Variants in SLC29A3 observed in about 807,000 individuals in gnomAD.
SLC29A3 encodes solute carrier family 29 member 3.
A neutral mutation model predicts 25.4 loss-of-function variants in SLC29A3; 18 were observed. The observed-to-expected ratio is 0.71, with a 90% CI of 0.49 to 1.05. The LOEUF (loss-of-function observed/expected upper bound fraction) is 1.05. Among genes scored for constraint, SLC29A3 ranks in the 50% least tolerant of loss-of-function variants. SLC29A3 has a pLI of 0.00. For synonymous variants in SLC29A3, 258 were observed against 267.1 expected (o/e 0.97, Z 0.33); for missense variants, 586 against 609.0 (o/e 0.96, Z 0.40).
chr10:71,336,976 A>T (rs77827700), intron 2 of SLC29A3, among the ~76,000 whole-genome samples: 1 of 152,178 alleles, frequency 6.6e-6, no homozygotes, highest in Admixed American at 6.5e-5. Context: ...CAAGGGTCAG[A>T]TGGGGACCCT....
At chr10:71,328,156 G>T (rs1846016270) in intron 2 of SLC29A3, among the ~76,000 whole-genome samples, 2 of 152,210 alleles carry the variant, frequency 1.3e-5, no homozygotes, top group Non-Finnish European at 2.9e-5. Context: ...GATGCGGCCA[G>T]GTCATGAGTG....
chr10:71,346,704 A>G (rs1053737764), intron 3 of SLC29A3, among the ~76,000 whole-genome samples: 2 of 152,134 alleles, frequency 1.3e-5, no homozygotes, highest in African/African-American at 2.4e-5. Flanking sequence ...GGGAGGAGTC[A>G]GGATTTGAAC....
intron 3 of SLC29A3, among the ~76,000 whole-genome samples, chr10:71,346,369 C>T (rs1489615829): frequency 6.6e-6 from 1 of 152,092 alleles, no homozygotes; most frequent in Non-Finnish European, 1.5e-5. Flanking sequence ...AAAACAGGCT[C>T]ATGGAGGTGA....
In SLC29A3 at chr10:71,362,648, A is replaced by T. The variant is rs1847098985; in HGVS notation, c.*40A>T. The stretch of plus-strand genomic sequence containing the variant: ...GGACATTGGTGCTTCAGAGCCTTTG[A>T]AGATGAGAAGAGAGTGCAGGAGGGC... On this transcript the variant is annotated 3_prime_UTR_variant, in exon 6 of 6. Transcript: ENST00000373189. The T allele has an allele frequency of 1.2e-6, 2 of 1,613,380 alleles. No homozygotes were observed. The highest frequency in any genetic ancestry group is 2.2e-5 in the East Asian group (1 of 44,874).
intron 2 of SLC29A3, among the ~76,000 whole-genome samples, chr10:71,335,809 A>G (rs1161679065): frequency 6.6e-6 from 1 of 152,008 alleles, no homozygotes. Flanking sequence ...AGACGGATGT[A>G]TGGGTAGAGG....
intron 2 of SLC29A3, among the ~76,000 whole-genome samples, chr10:71,340,663 C>T (rs1270719100): frequency 6.6e-6 from 1 of 152,224 alleles, no homozygotes; most frequent in Non-Finnish European, 1.5e-5. Context: ...TGTTACCATC[C>T]TAGTCACAGT....
chr10:71,374,962 A>G (rs1847239675), intron 3 of SLC29A3, among the ~76,000 whole-genome samples: 1 of 152,218 alleles, frequency 6.6e-6, no homozygotes, highest in Non-Finnish European at 1.5e-5. Context: ...ATGCAGCAGT[A>G]GTAGAACAGC....
intron 2 of SLC29A3, among the ~76,000 whole-genome samples, chr10:71,324,592 G>T (rs1053879504): frequency 7.9e-5 from 12 of 152,196 alleles, no homozygotes; most frequent in Admixed American, 5.9e-4. Context: ...TCATTTATAT[G>T]TGAAGTTTTT....
intron 2 of SLC29A3, among the ~76,000 whole-genome samples, chr10:71,324,607 C>T (rs530313337): frequency 6.6e-6 from 1 of 152,162 alleles, no homozygotes; most frequent in Non-Finnish European, 1.5e-5. Flanking sequence ...GTTTTTCAAA[C>T]AAATGCTGAT....
chr10:71,371,932 A>G (rs970198728), intron 3 of SLC29A3, among the ~76,000 whole-genome samples: 1 of 152,250 alleles, frequency 6.6e-6, no homozygotes, highest in African/African-American at 2.4e-5. Flanking sequence ...TCTGCCTGCA[A>G]GTGCAGCAGG....
At chr10:71,348,020 G>A (rs949464255) in intron 3 of SLC29A3, among the ~76,000 whole-genome samples, 3 of 152,224 alleles carry the variant, frequency 2.0e-5, no homozygotes, top group Non-Finnish European at 4.4e-5. Flanking sequence ...GAGGCTGGCG[G>A]ATGCTTCCAG....
chr10:71,323,536 T>A (rs1237954968), intron 2 of SLC29A3, among the ~76,000 whole-genome samples: 1 of 152,266 alleles, frequency 6.6e-6, no homozygotes, highest in African/African-American at 2.4e-5. Context: ...GCCTGTTGCC[T>A]GTACGAACAC....
intron 2 of SLC29A3, among the ~76,000 whole-genome samples, chr10:71,323,500 A>G (rs1460218369): frequency 6.6e-6 from 1 of 152,266 alleles, no homozygotes; most frequent in East Asian, 1.9e-4. Context: ...CATCAGTAGG[A>G]AAAAGCAAGA....
chr10:71,379,194 A>C (rs1444107241), intron 4 of SLC29A3, among the ~76,000 whole-genome samples: 3 of 152,242 alleles, frequency 2.0e-5, no homozygotes, highest in African/African-American at 7.2e-5. Flanking sequence ...GTGAGGGCAG[A>C]GGGCCAGCCC....
At chr10:71,319,796 C>T (rs1845808810) in intron 1 of SLC29A3, 1 of 155,692 alleles carries the variant, frequency 6.4e-6, no homozygotes, top group African/African-American at 2.4e-5. Context: ...AGGGGCGAGC[C>T]ACCTAGCCAG....
intron 1 of SLC29A3, among the ~76,000 whole-genome samples, chr10:71,320,263 G>C (rs910353602): frequency 2.6e-5 from 4 of 152,116 alleles, no homozygotes; most frequent in Non-Finnish European, 4.4e-5. Flanking sequence ...ACCACTTGCC[G>C]GTTCTCTCTT....
rs780670 is a variant in SLC29A3, at chr10:71,352,500, C to G, written c.610+712C>G. 0.62 allele frequency: 94,354 copies of G among 152,302 alleles called. 31,481 individuals are homozygous for G. The highest frequency in any genetic ancestry group is 0.76 in the Non-Finnish European group (51,807 of 68,288). The allele number at this position is 152,302 out of a possible 1,614,324, so 9.4% of individuals were successfully genotyped here. A position where few individuals can be genotyped will look rare whatever the true frequency, so the allele number is the denominator to read the frequency against. Reference sequence around the variant, plus strand: ...TATTCCTCTCCTATTTTTCCTTTTCCTTATCTTTCTTCCCCTTCTTGTCTC... The same window carrying G: ...TATTCCTCTCCTATTTTTCCTTTTCGTTATCTTTCTTCCCCTTCTTGTCTC... On this transcript the variant is annotated intron_variant, in intron 4 of 5. Transcript: ENST00000373189.
rs1310332625 is a variant in SLC29A3 at position 71,350,689 on chromosome 10, C to A, written c.384-873C>A. 2.6e-5 allele frequency among the ~76,000 whole-genome samples: 4 copies of A among 152,166 alleles called. No individual in the cohort carries two copies. The East Asian group carries it at 5.8e-4, about 22-fold the overall frequency. The stretch of plus-strand genomic sequence containing the variant: ...AGCACTAACTTGGCATCACCTGCTC[C>A]CCATGATGACTGAGGCCATCACAGG... On this transcript the variant is annotated intron_variant, in intron 3 of 5. Transcript: ENST00000373189.
intron 2 of SLC29A3, among the ~76,000 whole-genome samples, chr10:71,328,765 C>T (rs1051293218): frequency 6.6e-6 from 1 of 152,184 alleles, no homozygotes; most frequent in Non-Finnish European, 1.5e-5. Context: ...TTTGATCTTT[C>T]AGGTGTGTTG....
Sources: gnomAD v4.1 joint callset for allele counts (sites outside exome capture counted in the v4.1 genomes callset) on GRCh38, gnomAD v4.1.1 for gene constraint, MANE v1.5 for transcripts, NCBI Gene and HGNC (gene_info 2026-07-23, HGNC 2026-07-21) for gene names.